The following GAN variants were observed in gnomAD, a reference collection of about 807,000 sequenced individuals.
GAN encodes the protein epididymis secretory sperm binding protein.
A neutral mutation model predicts 71.3 loss-of-function variants in GAN; 48 were observed. The observed-to-expected ratio is 0.67, with a 90% CI of 0.53 to 0.86. GAN has a LOEUF of 0.86. Ranked by LOEUF, GAN falls within the 40% of genes least tolerant of loss-of-function variation. The pLI is 0.00. For missense variants in GAN, 928 were observed against 770.1 expected (o/e 1.21, Z -2.43); for synonymous variants, 386 against 276.8 (o/e 1.39, Z -3.92).
intron 1 of GAN, among the ~76,000 whole-genome samples, chr16:81,334,425 T>G (rs889649947): frequency 6.6e-6 from 1 of 152,180 alleles, no homozygotes; most frequent in Non-Finnish European, 1.5e-5. Context: ...CTGAAACCTT[T>G]CCTGACTTTT....
chr16:81,327,930 C>T (rs1320965385), intron 1 of GAN, among the ~76,000 whole-genome samples: 15 of 152,170 alleles, frequency 9.9e-5, no homozygotes, highest in Admixed American at 8.5e-4. Context: ...GGTTGTGGCA[C>T]GAATGCCTTC....
In GAN at chr16:81,354,622, C is replaced by T. The variant is rs143187097; in HGVS notation, c.500C>T (p.Thr167Met). 3.0e-5 allele frequency: 48 copies of T among 1,613,706 alleles called. No homozygotes were observed. Among genetic ancestry groups the T allele is most frequent in the Middle Eastern group, 3.3e-4 (2 of 6,062 alleles). ...ACTCATTTCCGAGACGTCAGCAGCA[C>T]GGAAGAATTCTTAGAGCTGAGTCCT... Reference protein sequence around the residue: ...LETHFRDVSSTEEFLELSPQK... With the variant: ...LETHFRDVSSMEEFLELSPQK... Residue 167 changes from threonine (T) to methionine (M), a missense_variant, in exon 3 of 11, where the codon ACG (threonine) becomes ATG (methionine). Thr to Met is a moderately conservative substitution (Grantham distance 81). Coordinates refer to ENST00000648994, the MANE Select transcript of GAN (RefSeq NM_022041.4).
intron 1 of GAN, among the ~76,000 whole-genome samples, chr16:81,332,406 T>C (rs996048999): frequency 6.6e-6 from 1 of 152,164 alleles, no homozygotes; most frequent in Admixed American, 6.5e-5. Flanking sequence ...CCTTGACTCA[T>C]ATTTAACTGG....
At chr16:81,319,248 C>G (rs1909148576) in intron 1 of GAN, among the ~76,000 whole-genome samples, 1 of 146,430 alleles carries the variant, frequency 6.8e-6, no homozygotes, top group Non-Finnish European at 1.5e-5. Flanking sequence ...CTAAGAATGG[C>G]AAAACCGAAT....
chr16:81,358,079 G>C, intron 5 of GAN, 148 bp downstream of exon 5: 1 of 745,242 alleles, frequency 1.3e-6, no homozygotes, highest in Admixed American at 2.1e-5. Flanking sequence ...CTGAGACCGT[G>C]GTTAGGAAAA....
chr16:81,317,731 A>T (rs1909091969), intron 1 of GAN, among the ~76,000 whole-genome samples: 1 of 152,184 alleles, frequency 6.6e-6, no homozygotes, highest in African/African-American at 2.4e-5. Flanking sequence ...CATTACTTGT[A>T]TTTCACCGTT....
rs1295992820 is a variant in GAN, at chr16:81,383,062, A to C, written c.*5466A>C. ...CTCCTGGCCTCAGATGTGGAGACCC[A>C]GCTGGGACTACAGGCATGAGCCACC... is the stretch of plus-strand genomic sequence containing the variant. On this transcript the variant is annotated 3_prime_UTR_variant, in exon 11 of 11. Coordinates refer to ENST00000648994, the MANE Select transcript of GAN (RefSeq NM_022041.4). 3 of 151,982 alleles carry C rather than the reference A, an allele frequency of 2.0e-5. No individual in the cohort carries two copies. Among genetic ancestry groups the C allele is most frequent in the Non-Finnish European group, 4.4e-5 (3 of 68,004 alleles). The allele number at this position is 151,982 out of a possible 1,614,324, so 9.4% of individuals were successfully genotyped here.
chr16:81,368,547 C>G (rs1910935447), intron 9 of GAN, among the ~76,000 whole-genome samples: 1 of 152,170 alleles, frequency 6.6e-6, no homozygotes, highest in African/African-American at 2.4e-5. Flanking sequence ...GTGGTGGAAG[C>G]TGCAGTAGAC....
intron 1 of GAN, among the ~76,000 whole-genome samples, chr16:81,329,705 A>G (rs1299399792): frequency 6.6e-6 from 1 of 151,924 alleles, no homozygotes; most frequent in Non-Finnish European, 1.5e-5. Flanking sequence ...CTTCTGTGGC[A>G]CCTCTTGTCC....
At position 81,380,263 on chromosome 16, in the gene GAN, C is replaced by T. The variant is rs1482527015; in HGVS notation, c.*2667C>T. On this transcript the variant is annotated 3_prime_UTR_variant, in exon 11 of 11. Transcript: ENST00000648994. ...TTTTGATACTTCTTTCTTGATAAGG[C>T]ACTTTTACCAGGTGTGTGTTGGAAT... 2 of 152,540 alleles carry T rather than the reference C, an allele frequency of 1.3e-5. No individual in the cohort carries two copies. The highest frequency in any genetic ancestry group is 2.1e-4 in the South Asian group (1 of 4,828). The allele number at this position is 152,540 out of a possible 1,614,324, so 9.4% of individuals were successfully genotyped here.
At chr16:81,375,508 G>T (rs1329340621) in intron 9 of GAN, among the ~76,000 whole-genome samples, 3 of 151,636 alleles carry the variant, frequency 2.0e-5, no homozygotes, top group African/African-American at 7.3e-5. Flanking sequence ...TGTATTTTTT[G>T]TAAAGACAAG....
At position 81,379,478 on chromosome 16, in the gene GAN, C is replaced by G. The variant is rs780387326; in HGVS notation, c.*1882C>G. 6.6e-5 allele frequency: 10 copies of G among 152,220 alleles called. No individual in the cohort carries two copies. The highest frequency in any genetic ancestry group is 3.9e-4 in the Admixed American group (6 of 15,278). The allele number at this position is 152,220 out of a possible 1,614,324, so 9.4% of individuals were successfully genotyped here. On this transcript the variant is annotated 3_prime_UTR_variant, in exon 11 of 11. Coordinates refer to ENST00000648994, the MANE Select transcript of GAN (RefSeq NM_022041.4). ...ATCATGTTTAATATGTCAGTCAAAA[C>G]CAAATTCAGAATTGTTTTGTGTACC... is the stretch of plus-strand genomic sequence containing the variant.
At chr16:81,365,318 T>A in intron 8 of GAN, 32 bp from the exon 9 acceptor site, 1 of 1,613,510 alleles carries the variant, frequency 6.2e-7, no homozygotes. Flanking sequence ...TTGTACAGCT[T>A]GTGCCTGATA....
chr16:81,366,376 A>G lies in GAN; in HGVS notation c.1502+898A>G, dbSNP rs544477336. On this transcript the variant is annotated intron_variant, in intron 9 of 10. Coordinates refer to ENST00000648994, the MANE Select transcript of GAN (RefSeq NM_022041.4). Reference sequence around the variant, plus strand: ...GTGCCACGTATGTCTTGTAGGGTAGATAACATCCTTCTCGATGTCTTCTCT... The same window carrying G: ...GTGCCACGTATGTCTTGTAGGGTAGGTAACATCCTTCTCGATGTCTTCTCT... Among the ~76,000 whole-genome samples, 12 of 152,366 alleles carry G rather than the reference A, an allele frequency of 7.9e-5. No homozygotes were observed. In the South Asian group the frequency reaches 2.5e-3, roughly 32 times the overall value.
intron 2 of GAN, among the ~76,000 whole-genome samples, chr16:81,352,674 G>A (rs1910338623): frequency 2.0e-5 from 3 of 152,166 alleles, no homozygotes; most frequent in East Asian, 1.9e-4. Flanking sequence ...GTTAAACGCA[G>A]TGATTCTCAT....
rs560925027 is a variant in GAN, at chr16:81,389,864, G to T, written c.*12268G>T. 6.6e-6 allele frequency: 1 copy of T among 152,148 alleles called. No homozygotes were observed. Among genetic ancestry groups the T allele is most frequent in the Non-Finnish European group, 1.5e-5 (1 of 68,044 alleles). 9.4% of individuals were successfully genotyped at this position (152,148 alleles called of 1,614,324 possible). A position where few individuals can be genotyped will look rare whatever the true frequency, so the allele number is the denominator to read the frequency against. ...TGACTGTCACCCTTGTCCAAGACTG[G>T]TTTTTAACAGTCTTGATTTGTCATT... On this transcript the variant is annotated 3_prime_UTR_variant, in exon 11 of 11. Coordinates refer to ENST00000648994, the MANE Select transcript of GAN (RefSeq NM_022041.4).
At position 81,376,596 on chromosome 16, in the gene GAN, T is replaced by C. The variant is rs906949526; in HGVS notation, c.1503-623T>C. Among the ~76,000 whole-genome samples, 3 of 150,404 alleles carry C rather than the reference T, an allele frequency of 2.0e-5. No individual in the cohort carries two copies. In the East Asian group the frequency reaches 5.9e-4, roughly 29 times the overall value. ...ATATGTGTATATATGTATGTATAAG[T>C]ATATATTATATGTATGTATATGTAT... On this transcript the variant is annotated intron_variant, in intron 9 of 10. Transcript: ENST00000648994.
Position 81,315,643 on chromosome 16 carries a change from C to T in GAN, c.167+363C>T, listed in dbSNP as rs1909010805. 3.3e-5 allele frequency among the ~76,000 whole-genome samples: 5 copies of T among 152,252 alleles called. No homozygotes were observed. In the South Asian group the frequency reaches 8.3e-4, roughly 25 times the overall value. On this transcript the variant is annotated intron_variant, in intron 1 of 10. Coordinates refer to ENST00000648994, the MANE Select transcript of GAN (RefSeq NM_022041.4). The stretch of plus-strand genomic sequence containing the variant: ...ACGCCGTCCTGGGCCGGCCGGGACC[C>T]GCACCTGCGGGCTGGGCGAGGCCGC...
chr16:81,376,763 A>C (rs1904282824), intron 9 of GAN, among the ~76,000 whole-genome samples: 1 of 152,018 alleles, frequency 6.6e-6, no homozygotes, highest in Non-Finnish European at 1.5e-5. Flanking sequence ...CTGTAATCTC[A>C]GCTACTTGGA....
Sources: allele counts gnomAD v4.1 joint callset (sites outside exome capture counted in the v4.1 genomes callset), GRCh38; gene constraint gnomAD v4.1.1; transcripts MANE v1.5; gene names NCBI Gene and HGNC (gene_info 2026-07-23, HGNC 2026-07-21).